TENM3: variants seen among roughly 807,000 people sequenced by gnomAD.
TENM3 encodes teneurin transmembrane protein 3.
A neutral mutation model predicts 255.1 loss-of-function variants in TENM3; 63 were observed. The ratio of observed to expected loss-of-function variants is 0.25; its 90% CI spans 0.20 to 0.30. The LOEUF (loss-of-function observed/expected upper bound fraction) is 0.30. TENM3 is among the 10% of genes least tolerant of loss of function. The pLI is 1.00. For synonymous variants in TENM3, 1,306 were observed against 1,322.3 expected, an observed-to-expected ratio of 0.99 and a Z score of 0.27; for missense variants, 2,929 against 3,461.1, an observed-to-expected ratio of 0.85 and a Z score of 3.86.
chr4:181,512,170 A>G, the TENM3 span, among the ~76,000 whole-genome samples: 1 of 152,078 alleles, frequency 6.6e-6, no homozygotes, highest in African/African-American at 2.4e-5. Flanking sequence ...CCACCCATTC[A>G]GGTCTATGCT....
At chr4:182,289,873 C>A (rs192018505) in intron 1 of TENM3, among the ~76,000 whole-genome samples, 167 of 152,164 alleles carry the variant, frequency 1.1e-3, no homozygotes, top group Non-Finnish European at 1.9e-3. Flanking sequence ...TCGGGTTGCC[C>A]GCGGCTCCAC....
intron 22 of TENM3, among the ~76,000 whole-genome samples, chr4:182,762,881 A>T (rs2309700): frequency 6.6e-6 from 1 of 151,956 alleles, no homozygotes; most frequent in African/African-American, 2.4e-5. Flanking sequence ...CCCCTACCCC[A>T]TCATCACCAC....
intron 1 of TENM3, among the ~76,000 whole-genome samples, chr4:182,207,770 AT>A (rs1754686021): frequency 6.6e-6 from 1 of 152,150 alleles, no homozygotes; most frequent in Non-Finnish European, 1.5e-5. Flanking sequence ...AAAAATGCCG[AT>A]TTTCTGGAAA....
At chr4:182,413,143 A>G (rs1770122939) in intron 3 of TENM3, among the ~76,000 whole-genome samples, 2 of 152,132 alleles carry the variant, frequency 1.3e-5, no homozygotes, top group Non-Finnish European at 2.9e-5. Flanking sequence ...ACAAAGTATA[A>G]TATGAACATC....
the TENM3 span, among the ~76,000 whole-genome samples, chr4:181,649,844 C>G: frequency 9.2e-5 from 14 of 152,068 alleles, no homozygotes; most frequent in African/African-American, 2.9e-4. Context: ...GTAGAGCTGT[C>G]GTGGTACAGA....
At chr4:182,497,958 CTTGGTAAGAATACT>C (rs1445213998) in intron 3 of TENM3, among the ~76,000 whole-genome samples, 6 of 150,618 alleles carry the variant, frequency 4.0e-5, no homozygotes, top group Non-Finnish European at 7.4e-5. Flanking sequence ...GAAAATGAGT[CTTGGTAAGAATACT>C]TAGATATCAG....
At chr4:181,902,403 T>C in the TENM3 span, among the ~76,000 whole-genome samples, 2 of 152,206 alleles carry the variant, frequency 1.3e-5, no homozygotes, top group Non-Finnish European at 2.9e-5. Flanking sequence ...TAATTGCTTT[T>C]GGTGTTTTAG....
chr4:181,580,832 G>A, the TENM3 span, among the ~76,000 whole-genome samples: 1 of 152,206 alleles, frequency 6.6e-6, no homozygotes, highest in Admixed American at 6.5e-5. Flanking sequence ...TCCTACTGAA[G>A]TTGGTGGTGC....
At chr4:181,750,889 G>C in the TENM3 span, among the ~76,000 whole-genome samples, 144 of 152,226 alleles carry the variant, frequency 9.5e-4, no homozygotes, top group African/African-American at 3.1e-3. Context: ...GAGCACCTCT[G>C]CATTTTTAGA....
At chr4:182,548,989 CAG>C (rs1741738744) in intron 3 of TENM3, among the ~76,000 whole-genome samples, 3 of 152,132 alleles carry the variant, frequency 2.0e-5, no homozygotes, top group Non-Finnish European at 4.4e-5. Flanking sequence ...AAATGGAAAA[CAG>C]AGATGATGTG....
chr4:182,072,123 C>T, the TENM3 span, among the ~76,000 whole-genome samples: 12 of 152,340 alleles, frequency 7.9e-5, 1 homozygote, highest in South Asian at 1.0e-3. Flanking sequence ...GTCTTTCTAC[C>T]TTTCCTTGCA....
At chr4:182,161,029 A>G (rs887086074) in intron 1 of TENM3, among the ~76,000 whole-genome samples, 1 of 151,968 alleles carries the variant, frequency 6.6e-6, no homozygotes, top group Non-Finnish European at 1.5e-5. Context: ...CTGTAATCCC[A>G]GCATTTTGGG....
In TENM3 at chr4:182,489,866, C is replaced by T. The variant is rs531648397; in HGVS notation, c.512-111058C>T. Among the ~76,000 whole-genome samples the T allele has an allele frequency of 1.8e-3, 276 of 151,184 alleles. 2 individuals carry two copies. The highest frequency in any genetic ancestry group is 5.3e-3 in the Admixed American group (80 of 15,146). On this transcript the variant is annotated intron_variant, in intron 3 of 27. Transcript: ENST00000511685. ...CCCTCCTTCCTTTTCTTCCCTTCCT[C>T]CCTTCCTCCCTTCCTCTTTCTTTCC... is the stretch of plus-strand genomic sequence containing the variant.
the TENM3 span, among the ~76,000 whole-genome samples, chr4:182,003,526 C>A: frequency 6.6e-6 from 1 of 152,020 alleles, no homozygotes; most frequent in African/African-American, 2.4e-5. Flanking sequence ...AAAATTTGGA[C>A]AACATTGTAG....
chr4:182,209,380 C>T (rs1754827117), intron 1 of TENM3, among the ~76,000 whole-genome samples: 1 of 152,026 alleles, frequency 6.6e-6, no homozygotes, highest in African/African-American at 2.4e-5. Context: ...ACCTTGTGTG[C>T]GTGTGGCCCC....
the TENM3 span, among the ~76,000 whole-genome samples, chr4:181,808,720 A>G: frequency 2.6e-5 from 4 of 152,234 alleles, no homozygotes; most frequent in Non-Finnish European, 5.9e-5. Context: ...GTATATTGGT[A>G]TGAAATTTGA....
intron 3 of TENM3, among the ~76,000 whole-genome samples, chr4:182,564,003 T>C (rs922440427): frequency 1.3e-5 from 2 of 152,176 alleles, no homozygotes; most frequent in African/African-American, 4.8e-5. Flanking sequence ...CCCAGTATGT[T>C]CTTCACCTCA....
At chr4:182,761,146 C>T (rs936795115) in intron 22 of TENM3, among the ~76,000 whole-genome samples, 146 of 152,160 alleles carry the variant, frequency 9.6e-4, no homozygotes, top group African/African-American at 3.4e-3. Flanking sequence ...CGGCTGGGCA[C>T]GGCGGCTCAC....
intron 4 of TENM3, among the ~76,000 whole-genome samples, chr4:182,601,912 G>A (rs901919117): frequency 7.9e-5 from 12 of 152,234 alleles, no homozygotes; most frequent in African/African-American, 2.7e-4. Context: ...GGCTTCAGCA[G>A]TTTAATGGTC....
Sources: allele counts gnomAD v4.1 joint callset (sites outside exome capture counted in the v4.1 genomes callset), GRCh38; gene constraint gnomAD v4.1.1; transcripts MANE v1.5; gene names NCBI Gene and HGNC (gene_info 2026-07-23, HGNC 2026-07-21).